EYA2: variants seen among roughly 807,000 people sequenced by gnomAD.
EYA2 encodes the protein EYA transcriptional coactivator and phosphatase 2, also known as protein phosphatase EYA2.
EYA2 carries 31 observed loss-of-function variants against 69.2 expected under a neutral mutation model. That is an observed-to-expected ratio of 0.45 (90% confidence interval 0.34 to 0.60). EYA2 has a LOEUF of 0.60. EYA2 is among the 20% of genes least tolerant of loss of function. The probability of loss-of-function intolerance (pLI) is 0.02; values close to 1 mark genes in which losing one functional copy is unlikely to be tolerated. For synonymous variants in EYA2, 257 were observed against 279.4 expected, an observed-to-expected ratio of 0.92 and a Z score of 0.80; for missense variants, 622 against 701.2, an observed-to-expected ratio of 0.89 and a Z score of 1.28.
chr20:47,003,709 C>G (rs1386920229), intron 3 of EYA2, among the ~76,000 whole-genome samples: 1 of 152,200 alleles, frequency 6.6e-6, no homozygotes, highest in East Asian at 1.9e-4. Flanking sequence ...CCATTTTGCT[C>G]CCTTTGTGTT....
At chr20:47,049,569 C>G (rs2030215805) in intron 5 of EYA2, among the ~76,000 whole-genome samples, 1 of 149,878 alleles carries the variant, frequency 6.7e-6, no homozygotes, top group South Asian at 2.1e-4. Flanking sequence ...CTTTCCCTCT[C>G]TCTTGCTCTG....
intron 1 of EYA2, among the ~76,000 whole-genome samples, chr20:46,941,100 A>C (rs1336700961): frequency 1.3e-5 from 2 of 152,220 alleles, no homozygotes; most frequent in Admixed American, 6.5e-5. Context: ...AAGGCTGGAC[A>C]GGGGACGCTG....
intron 1 of EYA2, among the ~76,000 whole-genome samples, chr20:46,977,960 C>T (rs572579682): frequency 2.0e-5 from 3 of 152,260 alleles, no homozygotes; most frequent in African/African-American, 7.2e-5. Flanking sequence ...CAGCTGATTC[C>T]TACTCTAATT....
chr20:47,000,652 C>T (rs763382505), intron 2 of EYA2, among the ~76,000 whole-genome samples: 1 of 152,166 alleles, frequency 6.6e-6, no homozygotes, highest in African/African-American at 2.4e-5. Flanking sequence ...CCCGGGCAAA[C>T]GTCTCTCCCA....
At chr20:47,154,030 T>C (rs2033873432) in intron 10 of EYA2, among the ~76,000 whole-genome samples, 1 of 152,036 alleles carries the variant, frequency 6.6e-6, no homozygotes. Context: ...GTCTGCTCAG[T>C]CTGTCCTAAT....
At chr20:47,181,139 T>C (rs2034530086) in intron 14 of EYA2, among the ~76,000 whole-genome samples, 2 of 152,122 alleles carry the variant, frequency 1.3e-5, no homozygotes, top group Non-Finnish European at 2.9e-5. Context: ...GGACCACAGT[T>C]TTCCAAAGTG....
At chr20:47,031,335 C>T (rs1422019834) in intron 5 of EYA2, among the ~76,000 whole-genome samples, 1 of 152,128 alleles carries the variant, frequency 6.6e-6, no homozygotes, top group Non-Finnish European at 1.5e-5. Flanking sequence ...ACCGGGAAGC[C>T]ATGGGGTTCT....
chr20:47,091,576 CAAAAAA>C (rs11313572), intron 8 of EYA2, among the ~76,000 whole-genome samples: 11 of 83,278 alleles, frequency 1.3e-4, no homozygotes, highest in Non-Finnish European at 2.6e-4. Context: ...CCATCTCTAC[CAAAAAA>C]AAAAAAAAAA....
chr20:47,069,249 T>C (rs1184513841), intron 5 of EYA2, among the ~76,000 whole-genome samples: 2 of 152,094 alleles, frequency 1.3e-5, no homozygotes, highest in African/African-American at 2.4e-5. Flanking sequence ...ATCCCAACAC[T>C]TTGGGAAGCT....
At chr20:47,139,134 C>G (rs1187518407) in intron 9 of EYA2, among the ~76,000 whole-genome samples, 1 of 152,142 alleles carries the variant, frequency 6.6e-6, no homozygotes. Flanking sequence ...AAATTATTCC[C>G]AATCTTTTGC....
At chr20:47,144,843 C>T (rs1268156921) in intron 10 of EYA2, among the ~76,000 whole-genome samples, 6 of 152,200 alleles carry the variant, frequency 3.9e-5, no homozygotes, top group Admixed American at 1.3e-4. Context: ...GCTCGCTTCA[C>T]GATGACGTCT....
Position 47,020,573 on chromosome 20 carries a change from A to G in EYA2, c.415+4276A>G, listed in dbSNP as rs75053813. ...TGGTAAAACACTGCTATTCACAGAAATAACCACAAAGATTAAAAAGAGGGG... is the reference window on the plus strand; with the variant it reads ...TGGTAAAACACTGCTATTCACAGAAGTAACCACAAAGATTAAAAAGAGGGG... On this transcript the variant is annotated intron_variant, in intron 5 of 15. Transcript: ENST00000327619. Among the ~76,000 whole-genome samples the G allele has an allele frequency of 5.5e-3, 833 of 152,250 alleles. 5 individuals are homozygous for G. Among genetic ancestry groups the G allele is most frequent in the African/African-American group, 0.019 (787 of 41,522 alleles).
intron 1 of EYA2, among the ~76,000 whole-genome samples, chr20:46,916,544 A>G (rs6018167): frequency 0.17 from 25,732 of 152,056 alleles, 3,383 homozygotes; most frequent in East Asian, 0.48. Flanking sequence ...ACCAAGTAGA[A>G]TTGGACAAAA....
At chr20:47,063,926 A>G (rs1488479929) in intron 5 of EYA2, among the ~76,000 whole-genome samples, 1 of 152,142 alleles carries the variant, frequency 6.6e-6, no homozygotes, top group Non-Finnish European at 1.5e-5. Context: ...CCTTTGTTCA[A>G]AATGTCAAGA....
At chr20:47,079,764 A>C (rs564165445) in intron 7 of EYA2, among the ~76,000 whole-genome samples, 1 of 152,132 alleles carries the variant, frequency 6.6e-6, no homozygotes, top group Non-Finnish European at 1.5e-5. Context: ...TTGTGCTACT[A>C]TGGGTTTCTC....
chr20:47,139,342 T>C (rs984870621), intron 9 of EYA2, among the ~76,000 whole-genome samples: 3 of 152,258 alleles, frequency 2.0e-5, no homozygotes, highest in Admixed American at 6.5e-5. Context: ...AAAACAGCAG[T>C]CCTCAGTGAC....
intron 5 of EYA2, among the ~76,000 whole-genome samples, chr20:47,040,098 C>G (rs1286445819): frequency 2.0e-5 from 3 of 152,038 alleles, no homozygotes; most frequent in Admixed American, 2.0e-4. Flanking sequence ...ACCTCGGCCA[C>G]CCAAAGTGCT....
intron 9 of EYA2, among the ~76,000 whole-genome samples, chr20:47,108,886 C>G (rs1263630359): frequency 6.6e-6 from 1 of 152,018 alleles, no homozygotes; most frequent in African/African-American, 2.4e-5. Context: ...CCCTCTGGCT[C>G]TCCCCGGGGA....
rs534159743 is a variant in EYA2 at position 46,998,650 on chromosome 20, G to A, written c.110-2778G>A. Among the ~76,000 whole-genome samples, 6 of 152,310 alleles carry A rather than the reference G, an allele frequency of 3.9e-5. No homozygotes were observed. The South Asian group carries it at 1.0e-3, about 26-fold the overall frequency. On this transcript the variant is annotated intron_variant, in intron 2 of 15. Transcript: ENST00000327619. Reference sequence around the variant, plus strand: ...CTTAGAGAGCCCTGCCTTATCATGTGTGTTTATGATAAGGATTATCAATGA... The same window carrying A: ...CTTAGAGAGCCCTGCCTTATCATGTATGTTTATGATAAGGATTATCAATGA...
Sources: gnomAD v4.1 joint callset for allele counts (sites outside exome capture counted in the v4.1 genomes callset) on GRCh38, gnomAD v4.1.1 for gene constraint, MANE v1.5 for transcripts, NCBI Gene and HGNC (gene_info 2026-07-23, HGNC 2026-07-21) for gene names.